DMD: variants seen among roughly 807,000 people sequenced by gnomAD.
The protein encoded by DMD is dystrophin.
A neutral mutation model predicts 330.1 loss-of-function variants in DMD; 63 were observed. The observed-to-expected ratio is 0.19, with a 90% CI of 0.16 to 0.24. The LOEUF is 0.24. Ranked by LOEUF, DMD falls within the 10% of genes least tolerant of loss-of-function variation. DMD has a pLI of 1.00. For missense variants in DMD, 3,344 were observed against 2,684.1 expected, an observed-to-expected ratio of 1.25 and a Z score of -5.43; for synonymous variants, 1,223 against 959.8, an observed-to-expected ratio of 1.27 and a Z score of -5.07.
rs1196631655 is a variant in DMD, at chrX:31,838,830, T to G, written c.7099-2011A>C. 2.7e-5 allele frequency among the ~76,000 whole-genome samples: 3 copies of G among 111,376 alleles called. No individual in the cohort carries two copies. In the East Asian group the frequency reaches 8.5e-4, roughly 31 times the overall value. On this transcript the variant is annotated intron_variant, in intron 48 of 78. Coordinates refer to ENST00000357033, the MANE Select transcript of DMD (RefSeq NM_004006.3). Reference sequence around the variant, plus strand: ...ATAGCTTGCCCACAACCTCGTGGGATGTGGGAGAGTTAATATTCAAACACA... The same window carrying G: ...ATAGCTTGCCCACAACCTCGTGGGAGGTGGGAGAGTTAATATTCAAACACA...
chrX:32,175,744 G>A (rs1176579329), intron 44 of DMD, among the ~76,000 whole-genome samples: 2 of 111,048 alleles, frequency 1.8e-5, no homozygotes, highest in Non-Finnish European at 3.8e-5. Flanking sequence ...ATGACCACAT[G>A]TACAGTCCTT....
At chrX:31,519,907 G>A (rs1377464118) in intron 55 of DMD, among the ~76,000 whole-genome samples, 1 of 111,744 alleles carries the variant, frequency 8.9e-6, no homozygotes, top group Non-Finnish European at 1.9e-5. Flanking sequence ...TCTTTCTTCT[G>A]GAGAGTGTGA....
rs764619452 is a variant in DMD, at chrX:32,644,184, G to A, written c.1279C>T (p.Leu427=). The A allele has an allele frequency of 8.3e-7, 1 of 1,210,113 alleles. No homozygotes were observed. Among genetic ancestry groups the A allele is most frequent in the South Asian group, 1.8e-5 (1 of 56,855 alleles). Residue 427 remains leucine (L), a synonymous_variant, in exon 11 of 79, where the codon CTA becomes TTA. Transcript: ENST00000357033. The part of the protein sequence containing the change: ...ETEVQEQMNL[L]NSRWECLRVA... ...CTGAGGCATTCCCATCTTGAATTTA[G>A]GAGATTCATCTGCTCTTGTACTTCA...
intron 9 of DMD, among the ~76,000 whole-genome samples, chrX:32,686,711 A>G (rs963464135): frequency 1.8e-5 from 2 of 111,261 alleles, no homozygotes; most frequent in African/African-American, 6.5e-5. Context: ...TAATTTAAAG[A>G]GAAAAGATTA....
chrX:32,793,501 T>C (rs2075970223), intron 7 of DMD, among the ~76,000 whole-genome samples: 1 of 109,753 alleles, frequency 9.1e-6, no homozygotes, highest in Non-Finnish European at 1.9e-5. Flanking sequence ...AGAAGTTTGA[T>C]TTTTAAAAAG....
chrX:33,069,159 A>G (rs2094707345), intron 1 of DMD, among the ~76,000 whole-genome samples: 1 of 111,632 alleles, frequency 9.0e-6, no homozygotes, highest in Non-Finnish European at 1.9e-5. Context: ...AAAGCAAGCC[A>G]TTTTTGCAGT....
intron 7 of DMD, among the ~76,000 whole-genome samples, chrX:32,753,083 C>A (rs748789495): frequency 5.4e-5 from 6 of 111,104 alleles, no homozygotes; most frequent in Non-Finnish European, 1.1e-4. Flanking sequence ...CTGTATTTTC[C>A]TCCCTCATGC....
chrX:31,764,620 G>A (rs183445903), intron 51 of DMD, among the ~76,000 whole-genome samples: 162 of 111,553 alleles, frequency 1.5e-3, no homozygotes, highest in African/African-American at 5.1e-3. Flanking sequence ...GGCAAAAATC[G>A]TCTTCATGGA....
At chrX:31,933,486 G>C in intron 45 of DMD, among the ~76,000 whole-genome samples, 1 of 99,989 alleles carries the variant, frequency 1.0e-5, no homozygotes, top group East Asian at 3.1e-4. Flanking sequence ...GAACAAAATT[G>C]TTTGTGCTTA....
In DMD at chrX:32,683,475, G is replaced by A. The variant is rs773808614; in HGVS notation, c.960+14395C>T. Among the ~76,000 whole-genome samples, 7 of 109,129 alleles carry A rather than the reference G, an allele frequency of 6.4e-5. No individual in the cohort carries two copies. The South Asian group carries it at 2.8e-3, about 44-fold the overall frequency. The allele number at this position is 109,129 out of a possible 115,157, so 94.8% of individuals were successfully genotyped here. On this transcript the variant is annotated intron_variant, in intron 9 of 78. Coordinates refer to ENST00000357033, the MANE Select transcript of DMD (RefSeq NM_004006.3). ...ATACTATGCAGCCATAAAAAAGGAT[G>A]AGTTCATGTCCTTTGTAGGGACATG...
rs150469791 is a variant in DMD at position 31,262,948 on chromosome X, C to T, written c.9225-1932G>A. Among the ~76,000 whole-genome samples the T allele has an allele frequency of 7.9e-3, 890 of 112,516 alleles. 8 individuals are homozygous for T. The highest frequency in any genetic ancestry group is 0.027 in the African/African-American group (851 of 30,994). ...AGGAAAGGTTACCTTCTATTGAGAC[C>T]ACCCTGCATTCAGGCCTCCTCTATT... On this transcript the variant is annotated intron_variant, in intron 62 of 78. Transcript: ENST00000357033.
chrX:32,594,249 A>G (rs1473451475), intron 13 of DMD, among the ~76,000 whole-genome samples: 3 of 111,403 alleles, frequency 2.7e-5, no homozygotes, highest in Non-Finnish European at 5.7e-5. Flanking sequence ...TTCCCTTCCT[A>G]CTTTCCCCCA....
rs188175413 is a variant in DMD at position 32,618,249 on chromosome X, A to T, written c.1332-3796T>A. ...GTGGCAGCACTATTCACAATCACAA[A>T]GACAATCAACCTAAATGCTTATCAG... On this transcript the variant is annotated intron_variant, in intron 11 of 78. Transcript: ENST00000357033. 6.9e-4 allele frequency among the ~76,000 whole-genome samples: 78 copies of T among 112,355 alleles called. 2 individuals are homozygous for T. The highest frequency in any genetic ancestry group is 4.6e-3 in the Middle Eastern group (1 of 216).
intron 43 of DMD, among the ~76,000 whole-genome samples, chrX:32,279,718 ATAGT>A (rs756676248): frequency 3.6e-5 from 4 of 109,817 alleles, no homozygotes; most frequent in Non-Finnish European, 5.7e-5. Context: ...GGTACAAAAA[ATAGT>A]TAGAAAGAAT....
At chrX:32,353,380 C>T (rs1381870835) in intron 37 of DMD, among the ~76,000 whole-genome samples, 2 of 111,764 alleles carry the variant, frequency 1.8e-5, no homozygotes, top group Non-Finnish European at 3.8e-5. Flanking sequence ...AATTTAACAG[C>T]TCATTCTTGA....
At chrX:32,574,754 T>C (rs2052833299) in intron 13 of DMD, among the ~76,000 whole-genome samples, 1 of 111,238 alleles carries the variant, frequency 9.0e-6, no homozygotes, top group Non-Finnish European at 1.9e-5. Context: ...TTATAACTCA[T>C]ATTTTTGAAA....
At chrX:32,827,913 C>T (rs749549920) in intron 4 of DMD, among the ~76,000 whole-genome samples, 7 of 111,160 alleles carry the variant, frequency 6.3e-5, no homozygotes, top group Admixed American at 1.9e-4. Context: ...CCGCTCGCCT[C>T]GGCCTCCCAA....
At chrX:31,598,123 T>C (rs769895649) in intron 55 of DMD, among the ~76,000 whole-genome samples, 2 of 109,205 alleles carry the variant, frequency 1.8e-5, no homozygotes, top group African/African-American at 6.7e-5. Context: ...TTTTTTTTAA[T>C]TGAGAGAGAG....
chrX:31,777,247 C>T (rs7054285), intron 50 of DMD, among the ~76,000 whole-genome samples: 14,611 of 110,677 alleles, frequency 0.13, 847 homozygotes, highest in East Asian at 0.25. Flanking sequence ...GCTATTTTCA[C>T]GAGAAGATAA....
Sources: gnomAD v4.1 joint callset for allele counts (sites outside exome capture counted in the v4.1 genomes callset) on GRCh38, gnomAD v4.1.1 for gene constraint, MANE v1.5 for transcripts, NCBI Gene and HGNC (gene_info 2026-07-23, HGNC 2026-07-21) for gene names.